KCTD8: variants seen among roughly 807,000 people sequenced by gnomAD.
KCTD8 encodes the protein BTB/POZ domain-containing protein KCTD8.
In KCTD8, 27 loss-of-function variants were observed where a neutral mutation model predicts 31.5. That is an observed-to-expected ratio of 0.86 (90% CI 0.63 to 1.18). The LOEUF is 1.18. Ranked by LOEUF, KCTD8 falls within the 50% of genes most tolerant of loss-of-function variation. The probability of loss-of-function intolerance (pLI) is 0.00; values close to 1 mark genes in which losing one functional copy is unlikely to be tolerated. For missense variants in KCTD8, 658 were observed against 647.7 expected, an observed-to-expected ratio of 1.02 and a Z score of -0.17; for synonymous variants, 290 against 280.0, an observed-to-expected ratio of 1.04 and a Z score of -0.36.
At chr4:44,360,674 C>T (rs1184655192) in intron 1 of KCTD8, among the ~76,000 whole-genome samples, 3 of 151,924 alleles carry the variant, frequency 2.0e-5, no homozygotes, top group Non-Finnish European at 4.4e-5. Flanking sequence ...CAGAAATCCT[C>T]AAGAGATGCT....
chr4:44,256,879 T>C (rs1365770319), intron 1 of KCTD8, among the ~76,000 whole-genome samples: 1 of 151,978 alleles, frequency 6.6e-6, no homozygotes, highest in Non-Finnish European at 1.5e-5. Flanking sequence ...TAAATTTGTA[T>C]TGTTGAAGCC....
intron 1 of KCTD8, among the ~76,000 whole-genome samples, chr4:44,380,223 TAAG>T (rs1357489275): frequency 6.6e-6 from 1 of 151,954 alleles, no homozygotes; most frequent in Non-Finnish European, 1.5e-5. Flanking sequence ...TCCTTCCTTA[TAAG>T]ACCCTCATTT....
At chr4:44,209,340 A>G (rs866824729) in intron 1 of KCTD8, among the ~76,000 whole-genome samples, 20 of 152,180 alleles carry the variant, frequency 1.3e-4, no homozygotes, top group African/African-American at 4.8e-4. Flanking sequence ...TATGATTTTC[A>G]TCTCTTTTAT....
At chr4:44,355,972 A>T (rs1231787206) in intron 1 of KCTD8, among the ~76,000 whole-genome samples, 1 of 152,130 alleles carries the variant, frequency 6.6e-6, no homozygotes, top group African/African-American at 2.4e-5. Flanking sequence ...ATCATCAATA[A>T]TCACTAGCAA....
rs1402332031 is a variant in KCTD8, at chr4:44,417,255, C to A, written c.961+30308G>T. 3.3e-5 allele frequency among the ~76,000 whole-genome samples: 5 copies of A among 152,120 alleles called. No homozygotes were observed. In the East Asian group the frequency reaches 9.6e-4, roughly 29 times the overall value. ...GTTTTTAAAATTATTGAATGATGTC[C>A]TTCTCTGTTTTTCTTATCTCATTAT... On this transcript the variant is annotated intron_variant, in intron 1 of 1. Transcript: ENST00000360029.
chr4:44,243,754 T>C (rs1715571882), intron 1 of KCTD8, among the ~76,000 whole-genome samples: 1 of 152,220 alleles, frequency 6.6e-6, no homozygotes, highest in Admixed American at 6.5e-5. Context: ...GACAGCTGCC[T>C]TGTCAGCAAA....
chr4:44,373,505 AG>A (rs966852672), intron 1 of KCTD8, among the ~76,000 whole-genome samples: 1 of 152,148 alleles, frequency 6.6e-6, no homozygotes, highest in Non-Finnish European at 1.5e-5. Flanking sequence ...TTGTAAATGG[AG>A]ACCATAAGAG....
At chr4:44,315,912 T>G (rs1300008140) in intron 1 of KCTD8, among the ~76,000 whole-genome samples, 3 of 152,152 alleles carry the variant, frequency 2.0e-5, no homozygotes, top group African/African-American at 7.2e-5. Context: ...TCTTTAATCT[T>G]GATATTATGA....
intron 1 of KCTD8, among the ~76,000 whole-genome samples, chr4:44,263,631 A>T (rs1176912310): frequency 6.6e-6 from 1 of 152,190 alleles, no homozygotes; most frequent in Non-Finnish European, 1.5e-5. Flanking sequence ...TACAGGTGGC[A>T]GAACAATACC....
intron 1 of KCTD8, among the ~76,000 whole-genome samples, chr4:44,265,235 G>A (rs536351765): frequency 1.3e-3 from 202 of 152,186 alleles, no homozygotes; most frequent in African/African-American, 4.4e-3. Flanking sequence ...CACGGTTCAC[G>A]AAAATCCGCT....
intron 1 of KCTD8, among the ~76,000 whole-genome samples, chr4:44,389,711 T>C (rs2109449281): frequency 6.6e-6 from 1 of 152,046 alleles, no homozygotes; most frequent in South Asian, 2.1e-4. Context: ...AACTGTATGC[T>C]TAAAAATAGT....
chr4:44,282,272 T>C (rs1352030724), intron 1 of KCTD8, among the ~76,000 whole-genome samples: 1 of 152,168 alleles, frequency 6.6e-6, no homozygotes, highest in Non-Finnish European at 1.5e-5. Flanking sequence ...CAAATGTTCT[T>C]ATTAATATTA....
chr4:44,391,486 T>C lies in KCTD8; in HGVS notation c.961+56077A>G, dbSNP rs1309603226. The stretch of plus-strand genomic sequence containing the variant: ...TGAAAACGATGAGGGTGAAGATCTT[T>C]ATGATAATCTACTTTCACTTAATAG... On this transcript the variant is annotated intron_variant, in intron 1 of 1. Transcript: ENST00000360029. Among the ~76,000 whole-genome samples the C allele has an allele frequency of 1.9e-4, 29 of 151,940 alleles. 1 individual carries two copies. The highest frequency in any genetic ancestry group is 1.8e-3 in the Admixed American group (28 of 15,182).
rs1721986473 is a variant in KCTD8 at position 44,447,866 on chromosome 4, C to CCA, written c.657_658insTG (p.Val220TrpfsTer108). 1 of 1,569,698 alleles carries CCA rather than the reference C, an allele frequency of 6.4e-7. No homozygotes were observed. Among genetic ancestry groups the CCA allele is most frequent in the African/African-American group, 1.4e-5 (1 of 73,772 alleles). On this transcript the variant is annotated frameshift_variant, in exon 1 of 2. Coordinates refer to ENST00000360029, the MANE Select transcript of KCTD8 (RefSeq NM_198353.3). LOFTEE classifies it high-confidence loss of function. ...TTGGCGTCGGCCTGGTTGTCGCGCA[C>CCA]GGTGGTGTAGGAGCCCCGGTAGCCC...
intron 1 of KCTD8, among the ~76,000 whole-genome samples, chr4:44,272,462 G>A (rs1334081326): frequency 1.3e-5 from 2 of 151,954 alleles, no homozygotes; most frequent in African/African-American, 4.8e-5. Context: ...TGAATTTGAT[G>A]AACTGTAAAC....
chr4:44,412,338 C>G (rs1720982634), intron 1 of KCTD8, among the ~76,000 whole-genome samples: 1 of 152,174 alleles, frequency 6.6e-6, no homozygotes, highest in African/African-American at 2.4e-5. Flanking sequence ...ACATTAGCAA[C>G]TTTACACTCC....
chr4:44,413,299 A>G (rs945606149), intron 1 of KCTD8, among the ~76,000 whole-genome samples: 2 of 152,216 alleles, frequency 1.3e-5, no homozygotes, highest in African/African-American at 4.8e-5. Context: ...ATATGTTACA[A>G]TAATATCTAA....
chr4:44,373,086 C>T (rs567034776), intron 1 of KCTD8, among the ~76,000 whole-genome samples: 37 of 152,150 alleles, frequency 2.4e-4, no homozygotes, highest in Admixed American at 1.0e-3. Context: ...CAATAGAGGC[C>T]GGGCGCAGTG....
chr4:44,236,568 C>T (rs934632448), intron 1 of KCTD8, among the ~76,000 whole-genome samples: 6 of 151,804 alleles, frequency 4.0e-5, no homozygotes, highest in African/African-American at 1.5e-4. Context: ...AATTTTGAAG[C>T]TTTTTACATA....
Sources: gnomAD v4.1 joint callset for allele counts (sites outside exome capture counted in the v4.1 genomes callset) on GRCh38, gnomAD v4.1.1 for gene constraint, MANE v1.5 for transcripts, NCBI Gene and HGNC (gene_info 2026-07-23, HGNC 2026-07-21) for gene names.